The following SLC4A10 variants were observed in gnomAD, a reference collection of about 807,000 sequenced individuals.
SLC4A10 encodes the protein solute carrier family 4 member 10.
Under a neutral mutation model 137.7 loss-of-function variants are expected in SLC4A10, and 42 were observed. The observed-to-expected ratio is 0.30, with a 90% confidence interval of 0.24 to 0.39. SLC4A10 has a LOEUF of 0.39. Among genes scored for constraint, SLC4A10 ranks in the 10% least tolerant of loss-of-function variants. The pLI, the probability that SLC4A10 is intolerant of heterozygous loss-of-function variation, is 1.00. For missense variants in SLC4A10, 925 were observed against 1,355.0 expected (o/e 0.68, Z 4.98); for synonymous variants, 474 against 464.1 (o/e 1.02, Z -0.27).
intron 1 of SLC4A10, among the ~76,000 whole-genome samples, chr2:161,670,703 T>G (rs1239288048): frequency 2.0e-5 from 3 of 152,152 alleles, no homozygotes; most frequent in African/African-American, 7.2e-5. Context: ...CCAATTTCCC[T>G]TTATTAGTTT....
At chr2:161,866,750 A>G (rs1285606538) in intron 6 of SLC4A10, among the ~76,000 whole-genome samples, 1 of 151,902 alleles carries the variant, frequency 6.6e-6, no homozygotes, top group East Asian at 1.9e-4. Flanking sequence ...TAAGGGATCT[A>G]GAAGACAAAT....
intron 1 of SLC4A10, among the ~76,000 whole-genome samples, chr2:161,629,747 A>C (rs988722815): frequency 6.6e-6 from 1 of 151,582 alleles, no homozygotes; most frequent in East Asian, 1.9e-4. Context: ...TGACTTTTTT[A>C]CTTTCTTCAT....
chr2:161,874,773 A>G (rs1310820334), intron 8 of SLC4A10, among the ~76,000 whole-genome samples: 2 of 152,242 alleles, frequency 1.3e-5, no homozygotes, highest in African/African-American at 4.8e-5. Flanking sequence ...CAACTCTGGC[A>G]TTATAAACTA....
At chr2:161,979,608 AT>A in intron 26 of SLC4A10, among the ~76,000 whole-genome samples, 1 of 152,330 alleles carries the variant, frequency 6.6e-6, no homozygotes, top group Non-Finnish European at 1.5e-5. Context: ...GACTTACAGA[AT>A]TCTAAAACTA....
chr2:161,859,594 C>CTTTTTTTTTTTTTTTTTTTTTTTTT (rs72003642), intron 5 of SLC4A10, among the ~76,000 whole-genome samples: 14 of 47,282 alleles, frequency 3.0e-4, no homozygotes, highest in African/African-American at 6.6e-4. Context: ...CTTTTCTTTT[C>CTTTTTTTTTTTTTTTTTTTTTTTTT]TTTTTTTTTT....
intron 1 of SLC4A10, among the ~76,000 whole-genome samples, chr2:161,699,453 G>C (rs1285871875): frequency 1.3e-5 from 2 of 152,108 alleles, no homozygotes; most frequent in Non-Finnish European, 2.9e-5. Context: ...GGCATAGAAA[G>C]GTAATTTTAA....
intron 2 of SLC4A10, among the ~76,000 whole-genome samples, chr2:161,772,443 A>G (rs75694662): frequency 3.9e-4 from 59 of 151,942 alleles, no homozygotes; most frequent in African/African-American, 1.2e-3. Context: ...GGTCCTTTTT[A>G]TTGGAAAATA....
At chr2:161,689,842 G>A (rs1276940885) in intron 1 of SLC4A10, among the ~76,000 whole-genome samples, 2 of 152,022 alleles carry the variant, frequency 1.3e-5, no homozygotes. Context: ...TCTTTTGAAC[G>A]TTCACCTTGT....
At chr2:161,695,399 A>G (rs549142643) in intron 1 of SLC4A10, among the ~76,000 whole-genome samples, 1 of 152,178 alleles carries the variant, frequency 6.6e-6, no homozygotes, top group African/African-American at 2.4e-5. Context: ...TAATTTTAAA[A>G]TTTCATTTTA....
intron 4 of SLC4A10, among the ~76,000 whole-genome samples, chr2:161,844,886 T>C (rs1441299410): frequency 6.6e-6 from 1 of 152,170 alleles, no homozygotes; most frequent in South Asian, 2.1e-4. Flanking sequence ...GAAAATAATC[T>C]TCTCAGGGTT....
intron 11 of SLC4A10, among the ~76,000 whole-genome samples, chr2:161,900,017 A>G (rs1682689952): frequency 6.6e-6 from 1 of 152,092 alleles, no homozygotes; most frequent in African/African-American, 2.4e-5. Context: ...TGTTTACACT[A>G]ATTCTATTTT....
At chr2:161,807,389 C>A (rs930744127) in intron 3 of SLC4A10, among the ~76,000 whole-genome samples, 4 of 152,098 alleles carry the variant, frequency 2.6e-5, no homozygotes, top group African/African-American at 9.7e-5. Flanking sequence ...GAGAACCTGG[C>A]TCTCAGTTCC....
chr2:161,904,267 T>C (rs999045956), intron 13 of SLC4A10, 89 bp downstream of exon 13: 2 of 1,365,556 alleles, frequency 1.5e-6, no homozygotes, highest in Non-Finnish European at 2.0e-6. Context: ...TTTGGATTCT[T>C]TTCTGAGGAG....
intron 2 of SLC4A10, among the ~76,000 whole-genome samples, chr2:161,788,668 C>A (rs115570744): frequency 0.019 from 2,913 of 152,222 alleles, 60 homozygotes; most frequent in African/African-American, 0.055. Flanking sequence ...CCTTTGGTGG[C>A]TACCACCAAA....
At chr2:161,973,782 T>C (rs935124016) in intron 23 of SLC4A10, among the ~76,000 whole-genome samples, 14 of 152,172 alleles carry the variant, frequency 9.2e-5, no homozygotes, top group Non-Finnish European at 1.9e-4. Context: ...GAGTCAGAAC[T>C]TCTGGGGGAT....
chr2:161,773,913 C>T (rs755714761), intron 2 of SLC4A10, among the ~76,000 whole-genome samples: 3 of 151,586 alleles, frequency 2.0e-5, no homozygotes, highest in Non-Finnish European at 4.4e-5. Flanking sequence ...GTAAATCATG[C>T]GGTCGGTACA....
chr2:161,900,525 T>C (rs888580247), intron 11 of SLC4A10, among the ~76,000 whole-genome samples: 1 of 152,130 alleles, frequency 6.6e-6, no homozygotes, highest in Non-Finnish European at 1.5e-5. Context: ...CTCCCATCTG[T>C]ACCTGATATT....
intron 23 of SLC4A10, among the ~76,000 whole-genome samples, chr2:161,966,118 T>A (rs1697528226): frequency 1.3e-5 from 2 of 152,232 alleles, no homozygotes; most frequent in South Asian, 4.1e-4. Context: ...TTCAGAGGTC[T>A]TAGTCATTTA....
At chr2:161,917,928 G>A (rs577876618) in intron 15 of SLC4A10, among the ~76,000 whole-genome samples, 17 of 152,180 alleles carry the variant, frequency 1.1e-4, no homozygotes, top group African/African-American at 2.9e-4. Context: ...GCTAAAAATC[G>A]AACTGAGACT....
Sources: allele counts gnomAD v4.1 joint callset (sites outside exome capture counted in the v4.1 genomes callset), GRCh38; gene constraint gnomAD v4.1.1; transcripts MANE v1.5; gene names NCBI Gene and HGNC (gene_info 2026-07-23, HGNC 2026-07-21).